Variants in RDX observed in about 807,000 individuals in gnomAD.
RDX encodes radixin.
A neutral mutation model predicts 83.7 loss-of-function variants in RDX; 32 were observed. The ratio of observed to expected loss-of-function variants is 0.38; its 90% confidence interval spans 0.29 to 0.51. The LOEUF (loss-of-function observed/expected upper bound fraction) is 0.51, where lower values mean the gene tolerates loss of function less well. Among genes scored for constraint, RDX ranks in the 20% least tolerant of loss-of-function variants. RDX has a pLI of 0.87. For missense variants in RDX, 600 were observed against 689.9 expected (o/e 0.87, Z 1.46); for synonymous variants, 229 against 222.7 (o/e 1.03, Z -0.25).
chr11:110,218,212 C>A (rs897228682), intron 14 of RDX, among the ~76,000 whole-genome samples: 2 of 152,150 alleles, frequency 1.3e-5, no homozygotes, highest in African/African-American at 4.8e-5. Flanking sequence ...TCTTGTTATT[C>A]TTGGAGCATA....
At chr11:110,287,036 AAC>A (rs1446179783) in intron 1 of RDX, 1 of 152,230 alleles carries the variant, frequency 6.6e-6, no homozygotes, top group Non-Finnish European at 1.5e-5. Flanking sequence ...TACTTTAAGT[AAC>A]AGTTAAGTTA....
At chr11:110,207,060 C>A (rs1413041997) in intron 14 of RDX, among the ~76,000 whole-genome samples, 1 of 152,144 alleles carries the variant, frequency 6.6e-6, no homozygotes, top group African/African-American at 2.4e-5. Flanking sequence ...GTAACCTCCA[C>A]CTCCTGAGGT....
intron 14 of RDX, among the ~76,000 whole-genome samples, chr11:110,200,755 T>A (rs1863372383): frequency 6.6e-6 from 1 of 152,228 alleles, no homozygotes; most frequent in Non-Finnish European, 1.5e-5. Context: ...GTTTTATAAT[T>A]CTTCTTTAAT....
At chr11:110,288,456 T>C (rs1861075133) in intron 1 of RDX, 1 of 152,180 alleles carries the variant, frequency 6.6e-6, no homozygotes, top group Non-Finnish European at 1.5e-5. Context: ...AACATTCACA[T>C]AAAAATGTTT....
intron 14 of RDX, among the ~76,000 whole-genome samples, chr11:110,218,982 G>A (rs532198040): frequency 6.6e-6 from 1 of 152,278 alleles, no homozygotes; most frequent in South Asian, 2.1e-4. Flanking sequence ...TGCCCTCATG[G>A]AGCTTACATT....
chr11:110,237,539 C>A lies in RDX; in HGVS notation c.1204G>T (p.Ala402Ser), dbSNP rs373960715. 2 of 1,613,294 alleles carry A rather than the reference C, an allele frequency of 1.2e-6. No homozygotes were observed. Among genetic ancestry groups the A allele is most frequent in the Non-Finnish European group, 1.7e-6 (2 of 1,180,040 alleles). The change falls in exon 11 of 14, where the codon GCC (alanine) becomes TCC (serine). Residue 402 changes from alanine (A) to serine (S), a missense_variant. Transcript: ENST00000645495. ...ERRAAEEAKS[A>S]IAKQAADQMK... ...TGGTCGGCAGCTTGTTTTGCTATGG[C>A]AGACTTTGCCTCTTCAGCAGCTCGA...
At chr11:110,289,238 C>CAAAA (rs753424624) in intron 1 of RDX, among the ~76,000 whole-genome samples, 4 of 54,330 alleles carry the variant, frequency 7.4e-5, no homozygotes, top group Non-Finnish European at 1.2e-4. Context: ...AACTCTATCT[C>CAAAA]AAAAAAAAAA....
In RDX at chr11:110,254,148, G is replaced by C. The variant is rs757368243; in HGVS notation, c.796-39C>G. 169 of 1,546,076 alleles carry C rather than the reference G, an allele frequency of 1.1e-4. 1 individual carries two copies. In the South Asian group the frequency reaches 1.8e-3, roughly 17 times the overall value. ...ATTCTGAATTTAAAATCTTCCTCAA[G>C]GATACTGTCTCTCATAACAATCTGT... On this transcript the variant is annotated intron_variant, in intron 8 of 13. Coordinates refer to ENST00000645495, the MANE Select transcript of RDX (RefSeq NM_002906.4).
Position 110,265,683 on chromosome 11 carries a change from C to T in RDX, c.97-809G>A, listed in dbSNP as rs2134385526. Among the ~76,000 whole-genome samples the T allele has an allele frequency of 1.3e-5, 2 of 152,210 alleles. 1 individual carries two copies. Among genetic ancestry groups the T allele is most frequent in the South Asian group, 4.2e-4 (2 of 4,814 alleles). On this transcript the variant is annotated intron_variant, in intron 3 of 13. Transcript: ENST00000645495. Reference sequence around the variant, plus strand: ...TTCTTAGAACATACCATAAATTCCACCCTTCTACAATTTTGCTGATGTTTT... The same window carrying T: ...TTCTTAGAACATACCATAAATTCCATCCTTCTACAATTTTGCTGATGTTTT...
chr11:110,260,962 C>A (rs1400994390), intron 5 of RDX, among the ~76,000 whole-genome samples: 2 of 152,004 alleles, frequency 1.3e-5, no homozygotes, highest in African/African-American at 4.8e-5. Context: ...GGTTGGTTGA[C>A]TCTGTGAATG....
intron 11 of RDX, among the ~76,000 whole-genome samples, chr11:110,237,248 C>T (rs1318699578): frequency 3.9e-5 from 6 of 151,916 alleles, no homozygotes; most frequent in African/African-American, 1.4e-4. Flanking sequence ...GAACCTTTTG[C>T]TGACAGTAGA....
chr11:110,281,493 A>G (rs1860759776), intron 1 of RDX, among the ~76,000 whole-genome samples: 2 of 152,130 alleles, frequency 1.3e-5, no homozygotes, highest in Non-Finnish European at 2.9e-5. Context: ...CACCCAGCTA[A>G]TATTTGTATT....
At chr11:110,210,679 A>C (rs1424436916) in intron 14 of RDX, among the ~76,000 whole-genome samples, 2 of 151,470 alleles carry the variant, frequency 1.3e-5, no homozygotes, top group African/African-American at 4.9e-5. Context: ...AGTGGGGGCC[A>C]ATATTCAACA....
intron 3 of RDX, among the ~76,000 whole-genome samples, chr11:110,271,114 G>C (rs1057081991): frequency 2.0e-5 from 3 of 152,068 alleles, no homozygotes; most frequent in Admixed American, 6.6e-5. Context: ...CACACAAAAA[G>C]CTTTTCATGA....
At chr11:110,238,949 A>T (rs971194237) in intron 10 of RDX, among the ~76,000 whole-genome samples, 1 of 151,188 alleles carries the variant, frequency 6.6e-6, no homozygotes, top group Non-Finnish European at 1.5e-5. Context: ...AAAACAAAAA[A>T]AACACTTGGA....
At chr11:110,290,761 T>A (rs1228998927) in intron 1 of RDX, among the ~76,000 whole-genome samples, 1 of 152,216 alleles carries the variant, frequency 6.6e-6, no homozygotes, top group Non-Finnish European at 1.5e-5. Context: ...GAAACCATTC[T>A]ACTGTTGTAG....
chr11:110,199,690 G>A lies in RDX; in HGVS notation c.1749-12C>T, dbSNP rs567914933. The stretch of plus-strand genomic sequence containing the variant: ...GTTTGGGTCCCCACCTTTCAAAAGA[G>A]ACATTAAGAGATTAGAAAGCATTTA... On this transcript the variant is annotated splice_polypyrimidine_tract_variant and intron_variant, in intron 14 of 15. Coordinates refer to the RDX transcript ENST00000528498. 2.3e-4 allele frequency: 164 copies of A among 703,016 alleles called. No individual in the cohort carries two copies. The African/African-American group carries it at 2.5e-3, about 11-fold the overall frequency. The allele number at this position is 703,016 out of a possible 1,614,324, so 43.5% of individuals were successfully genotyped here.
intron 14 of RDX, among the ~76,000 whole-genome samples, chr11:110,204,514 C>CTT (rs577737066): frequency 4.6e-4 from 50 of 107,702 alleles, no homozygotes; most frequent in Non-Finnish European, 6.3e-4. Context: ...TTTTTTTTTC[C>CTT]TTTTTTTTTT....
intron 7 of RDX, 95 bp downstream of exon 7, chr11:110,257,668 TAATC>T: frequency 8.4e-7 from 1 of 1,192,784 alleles, no homozygotes; most frequent in South Asian, 1.2e-5. Context: ...ATAGTAAGGG[TAATC>T]AAGACAAGAA....
Sources: allele counts gnomAD v4.1 joint callset (sites outside exome capture counted in the v4.1 genomes callset), GRCh38; gene constraint gnomAD v4.1.1; transcripts MANE v1.5; gene names NCBI Gene and HGNC (gene_info 2026-07-23, HGNC 2026-07-21).